Variants in UNC45A observed in about 807,000 individuals in gnomAD.
The protein encoded by UNC45A is unc-45 myosin chaperone A, also known as protein unc-45 homolog A.
UNC45A carries 78 observed loss-of-function variants against 103.2 expected under a neutral mutation model. The ratio of observed to expected loss-of-function variants is 0.76; its 90% CI spans 0.63 to 0.91. UNC45A has a LOEUF of 0.91. Among genes scored for constraint, UNC45A ranks in the 40% least tolerant of loss-of-function variants. The pLI is 0.00. For synonymous variants in UNC45A, 495 were observed against 504.6 expected, an observed-to-expected ratio of 0.98 and a Z score of 0.25; for missense variants, 1,193 against 1,224.8, an observed-to-expected ratio of 0.97 and a Z score of 0.39.
rs755482054 is a variant in UNC45A at position 90,939,701 on chromosome 15, A to G, written c.427-30A>G. On this transcript the variant is annotated intron_variant, in intron 4 of 19. Transcript: ENST00000418476. ...GTGATGTCTCTGGCCAAGAGCCGTG[A>G]TTTGTTCCATGCTTTGTTGGTTTGT... The G allele has an allele frequency of 1.3e-5, 21 of 1,612,626 alleles. No homozygotes were observed. In the African/African-American group the frequency reaches 2.7e-4, roughly 21 times the overall value.
chr15:90,936,991 C>T (rs1411855502), intron 4 of UNC45A, among the ~76,000 whole-genome samples: 1 of 152,166 alleles, frequency 6.6e-6, no homozygotes. Context: ...TATATAGTTA[C>T]TGAGAATAGG....
At chr15:90,952,022 C>T (rs1367415101) in intron 17 of UNC45A, among the ~76,000 whole-genome samples, 1 of 152,224 alleles carries the variant, frequency 6.6e-6, no homozygotes. Context: ...TTCCCACAAT[C>T]CTATGCTATT....
intron 12 of UNC45A, 107 bp from the exon 13 acceptor site, chr15:90,948,547 C>T (rs2036702425): frequency 4.6e-6 from 7 of 1,520,016 alleles, no homozygotes; most frequent in Non-Finnish European, 6.2e-6. Flanking sequence ...ATCCTGTACC[C>T]AAGGGTCCCA....
intron 8 of UNC45A, among the ~76,000 whole-genome samples, chr15:90,943,974 C>T (rs997655846): frequency 1.4e-4 from 20 of 146,508 alleles, no homozygotes; most frequent in African/African-American, 5.1e-4. Context: ...CCGTCATGAG[C>T]CATTGTGCCC....
upstream of UNC45A, chr15:90,932,370 C>T: frequency 1.8e-6 from 2 of 1,089,076 alleles, no homozygotes; most frequent in Non-Finnish European, 2.4e-6. Flanking sequence ...CCCCACGTTT[C>T]CTTCCCAGTC....
chr15:90,930,955 C>T (rs1245762422), upstream of UNC45A: 3 of 293,298 alleles, frequency 1.0e-5, no homozygotes, highest in East Asian at 8.0e-5. Flanking sequence ...TTTTCCAGAA[C>T]GTGTTAGGAA....
In UNC45A at chr15:90,935,611, C is replaced by A. The variant is rs2151353536; in HGVS notation, c.119C>A (p.Ala40Asp). 6.2e-7 allele frequency: 1 copy of A among 1,613,264 alleles called. No individual in the cohort carries two copies. Among genetic ancestry groups the A allele is most frequent in the Non-Finnish European group, 8.5e-7 (1 of 1,179,706 alleles). Residue 40 changes from alanine (A) to aspartate (D), a missense_variant, in exon 2 of 20, where the codon GCC (alanine) becomes GAC (aspartate). Transcript: ENST00000418476. ...ELFKCGDYGG[A>D]LAAYTQALGL... is the part of the protein sequence containing the mutation. Reference sequence around the variant, plus strand: ...TTCAAATGTGGAGACTACGGGGGCGCCCTGGCGGCCTACACTCAGGCCCTG... The same window carrying A: ...TTCAAATGTGGAGACTACGGGGGCGACCTGGCGGCCTACACTCAGGCCCTG...
rs1357447399 is a variant in UNC45A, at chr15:90,945,027, G to A, written c.1163G>A (p.Arg388Lys). ...GATGACCTCAAGTGTGATGCGGAGA[G>A]GGAGAATTTCCACAGACTTTGTGAA... is the stretch of plus-strand genomic sequence containing the variant. ...LFDDLKCDAE[R>K]ENFHRLCENY... The change falls in exon 9 of 20, where the codon AGG (arginine) becomes AAG (lysine). Residue 388 changes from arginine to lysine, a missense_variant. Transcript: ENST00000418476. The A allele has an allele frequency of 1.9e-6, 3 of 1,612,924 alleles. No individual in the cohort carries two copies. Among genetic ancestry groups the A allele is most frequent in the Non-Finnish European group, 2.5e-6 (3 of 1,180,018 alleles).
At chr15:90,931,373 C>G (rs771948355), upstream of UNC45A, 1 of 1,558,342 alleles carries the variant, frequency 6.4e-7, no homozygotes, top group Non-Finnish European at 8.7e-7. Context: ...GCTGCCCACT[C>G]GAAGTATTCC....
intron 10 of UNC45A, chr15:90,947,133 G>C: frequency 1.7e-6 from 1 of 576,892 alleles, no homozygotes; most frequent in Non-Finnish European, 3.1e-6. Flanking sequence ...AGGCTGTGGT[G>C]AGTCACGCAT....
upstream of UNC45A, chr15:90,934,326 C>G: frequency 2.5e-6 from 1 of 399,256 alleles, no homozygotes; most frequent in Non-Finnish European, 4.4e-6. Context: ...AGCACCCCCA[C>G]CTCTCTCTTC....
At chr15:90,952,716 C>T (rs530819797) in intron 17 of UNC45A, 53 of 558,138 alleles carry the variant, frequency 9.5e-5, no homozygotes, top group African/African-American at 5.5e-4. Flanking sequence ...TGAGCCTCCA[C>T]GCCCGGCCGA....
chr15:90,933,520 C>A (rs752256707), upstream of UNC45A: 1 of 152,066 alleles, frequency 6.6e-6, no homozygotes, highest in Non-Finnish European at 1.5e-5. Context: ...TGGCTGGTAG[C>A]TGGGGCAGAT....
rs200208319 is a variant in UNC45A at position 90,942,521 on chromosome 15, T to C, written c.772T>C (p.Cys258Arg). 2.5e-6 allele frequency: 4 copies of C among 1,614,212 alleles called. No homozygotes were observed. The African/African-American group carries it at 4.0e-5, about 16-fold the overall frequency. ...AAGCCAGGCTGTGTCCCTGGCTGCC[T>C]GCCACCTGCTGCAGGTTATGTTTGA... is the stretch of plus-strand genomic sequence containing the variant. ...VESQAVSLAA[C>R]HLLQVMFDAL... is the part of the protein sequence containing the mutation. Residue 258 changes from cysteine to arginine, a missense_variant, in exon 7 of 20, where the codon TGC becomes CGC. Transcript: ENST00000418476.
chr15:90,935,316 C>T lies in UNC45A; in HGVS notation c.-9C>T, dbSNP rs745601118. ...TGCGCCTGCGCGGGCACGAGACAAC[C>T]TCTCCGCGATGACTGTGAGTGGTCC... On this transcript the variant is annotated 5_prime_UTR_variant, in exon 1 of 20. Coordinates refer to ENST00000418476, the MANE Select transcript of UNC45A (RefSeq NM_018671.5). 1.9e-6 allele frequency: 3 copies of T among 1,602,740 alleles called. No homozygotes were observed. Among genetic ancestry groups the T allele is most frequent in the Admixed American group, 1.7e-5 (1 of 58,958 alleles).
Position 90,935,958 on chromosome 15 carries a change from A to G in UNC45A, c.226A>G (p.Lys76Glu), listed in dbSNP as rs1438340165. The change falls in exon 3 of 20, where the codon AAA becomes GAA. Residue 76 changes from lysine to glutamate, a missense_variant. Transcript: ENST00000418476. ...ACHLKLEDYD[K>E]AETEASKAIE... Reference sequence around the variant, plus strand: ...CTTTCTCTTACAGGAAGATTACGACAAAGCAGAAACAGAGGCATCCAAAGG... The same window carrying G: ...CTTTCTCTTACAGGAAGATTACGACGAAGCAGAAACAGAGGCATCCAAAGG... 1 of 1,614,092 alleles carries G rather than the reference A, an allele frequency of 6.2e-7. No individual in the cohort carries two copies. Among genetic ancestry groups the G allele is most frequent in the Non-Finnish European group, 8.5e-7 (1 of 1,180,016 alleles).
At chr15:90,934,390 G>T, upstream of UNC45A, 1 of 399,054 alleles carries the variant, frequency 2.5e-6, no homozygotes, top group Non-Finnish European at 4.4e-6. Context: ...GTCCATGGCC[G>T]TCACTACCCT....
Position 90,935,596 on chromosome 15 carries a change from G to A in UNC45A, c.104G>A (p.Gly35Glu), listed in dbSNP as rs537021201. The stretch of plus-strand genomic sequence containing the variant: ...GAGGGCAATGAGCTGTTCAAATGTG[G>A]AGACTACGGGGGCGCCCTGGCGGCC... ...RKEGNELFKC[G>E]DYGGALAAYT... Residue 35 changes from glycine to glutamate, a missense_variant, in exon 2 of 20, where the codon GGA (glycine) becomes GAA (glutamate). Transcript: ENST00000418476. The A allele has an allele frequency of 2.5e-6, 4 of 1,613,084 alleles. No individual in the cohort carries two copies. Among genetic ancestry groups the A allele is most frequent in the Non-Finnish European group, 3.4e-6 (4 of 1,179,592 alleles).
chr15:90,945,178 C>A lies in UNC45A; in HGVS notation c.1199+115C>A, dbSNP rs540471656. 17 of 1,398,608 alleles carry A rather than the reference C, an allele frequency of 1.2e-5. No homozygotes were observed. The South Asian group carries it at 1.7e-4, about 14-fold the overall frequency. 86.6% of individuals were successfully genotyped at this position (1,398,608 alleles called of 1,614,324 possible). A position where few individuals can be genotyped will look rare whatever the true frequency, so the allele number is the denominator to read the frequency against. On this transcript the variant is annotated intron_variant, in intron 9 of 19. Coordinates refer to ENST00000418476, the MANE Select transcript of UNC45A (RefSeq NM_018671.5). The stretch of plus-strand genomic sequence containing the variant: ...GCAGAAACAGTAATCTTGGGGAGGA[C>A]TAGTTGGAGGCTGAACAAAGGGAAA...
Sources: gnomAD v4.1 joint callset for allele counts (sites outside exome capture counted in the v4.1 genomes callset) on GRCh38, gnomAD v4.1.1 for gene constraint, MANE v1.5 for transcripts, NCBI Gene and HGNC (gene_info 2026-07-23, HGNC 2026-07-21) for gene names.